SCAI: variants seen among roughly 807,000 people sequenced by gnomAD.
SCAI encodes suppressor of cancer cell invasion.
Under a neutral mutation model 92.2 loss-of-function variants are expected in SCAI, and 24 were observed. That is an observed-to-expected ratio of 0.26 (90% confidence interval 0.19 to 0.37). The LOEUF is 0.37. Among genes scored for constraint, SCAI ranks in the 10% least tolerant of loss-of-function variants. The pLI is 1.00. For synonymous variants in SCAI, 261 were observed against 258.6 expected, an observed-to-expected ratio of 1.01 and a Z score of -0.09; for missense variants, 450 against 736.2, an observed-to-expected ratio of 0.61 and a Z score of 4.50.
Position 124,996,221 on chromosome 9 carries a change from G to C in SCAI, c.1245-1206C>G, listed in dbSNP as rs10986508. Among the ~76,000 whole-genome samples the C allele has an allele frequency of 1.7e-4, 25 of 149,956 alleles. 1 individual carries two copies. The highest frequency in any genetic ancestry group is 3.4e-4 in the Non-Finnish European group (23 of 67,302). ...TGTGTGTGGGCGGTGGGGCGGGGGT[G>C]GGGGGGTGGTGCTGGGGGCAGTGGG... On this transcript the variant is annotated intron_variant, in intron 13 of 17. Transcript: ENST00000336505.
In SCAI at chr9:124,952,845, G is replaced by A. The variant is rs745717368; in HGVS notation, c.1783C>T (p.Arg595Ter). 1.2e-6 allele frequency: 2 copies of A among 1,613,196 alleles called. No homozygotes were observed. The highest frequency in any genetic ancestry group is 1.1e-5 in the South Asian group (1 of 91,026). Residue 595 changes from arginine to a stop codon, truncating the protein, a stop_gained, in exon 18 of 18, where the codon CGA (arginine) becomes TGA (stop). Transcript: ENST00000336505. LOFTEE classifies it high-confidence loss of function. Reference protein sequence around the residue: ...ILELASILDVRNVFFENTIDD... With the variant: ...ILELASILDV ...ATGGTATTCTCAAAGAACACGTTTC[G>A]AACATCCAGAATGGATGCTAATTCC... is the stretch of plus-strand genomic sequence containing the variant.
intron 9 of SCAI, among the ~76,000 whole-genome samples, chr9:125,009,245 G>A (rs1291662482): frequency 6.6e-6 from 1 of 152,138 alleles, no homozygotes; most frequent in Non-Finnish European, 1.5e-5. Flanking sequence ...AATGCTTAAA[G>A]AGAATTTTAC....
chr9:124,966,125 C>A (rs776340620), intron 17 of SCAI, among the ~76,000 whole-genome samples: 5 of 152,218 alleles, frequency 3.3e-5, no homozygotes, highest in Middle Eastern at 3.4e-3. Flanking sequence ...CATGTGCACA[C>A]GTGCAGGTTT....
At chr9:125,106,716 CTT>C (rs1834808115) in intron 2 of SCAI, among the ~76,000 whole-genome samples, 1 of 130,990 alleles carries the variant, frequency 7.6e-6, no homozygotes, top group African/African-American at 2.8e-5. Context: ...CATTATTTTT[CTT>C]TTCCTTTTTT....
intron 9 of SCAI, among the ~76,000 whole-genome samples, chr9:125,012,496 G>A (rs1832659967): frequency 6.6e-6 from 1 of 152,118 alleles, no homozygotes; most frequent in African/African-American, 2.4e-5. Flanking sequence ...AAATATATAT[G>A]CACCCAATAC....
chr9:125,008,103 C>T (rs1019036598), intron 9 of SCAI, among the ~76,000 whole-genome samples: 4 of 151,922 alleles, frequency 2.6e-5, no homozygotes, highest in African/African-American at 9.7e-5. Flanking sequence ...CCTCGGCCTC[C>T]CAAAGTTCAG....
intron 13 of SCAI, among the ~76,000 whole-genome samples, chr9:124,999,608 G>A (rs924512024): frequency 6.6e-6 from 1 of 152,102 alleles, no homozygotes; most frequent in Non-Finnish European, 1.5e-5. Context: ...TATATTTACT[G>A]TCTCCAACTA....
Position 125,100,866 on chromosome 9 carries a change from G to A in SCAI, c.98+41767C>T, listed in dbSNP as rs569925505. ...AAAATTATTCTAGGCAGAGAAAAGA[G>A]CAAGTGCACAGGCCCCGAGTTAGCT... On this transcript the variant is annotated intron_variant, in intron 2 of 17. Coordinates refer to ENST00000336505, the MANE Select transcript of SCAI (RefSeq NM_001144877.3). 2.6e-5 allele frequency among the ~76,000 whole-genome samples: 4 copies of A among 152,278 alleles called. No homozygotes were observed. The South Asian group carries it at 6.2e-4, about 24-fold the overall frequency.
chr9:124,960,260 CCT>C (rs1269434249), intron 17 of SCAI, among the ~76,000 whole-genome samples: 1 of 152,022 alleles, frequency 6.6e-6, no homozygotes. Context: ...ACAGGAACTC[CCT>C]CTCTCACCCA....
chr9:124,956,615 C>A (rs1476458754), intron 17 of SCAI, among the ~76,000 whole-genome samples: 1 of 152,140 alleles, frequency 6.6e-6, no homozygotes, highest in Non-Finnish European at 1.5e-5. Context: ...TCATCCATAC[C>A]CATTCCTGAT....
chr9:125,087,830 G>A (rs569038298), intron 2 of SCAI, among the ~76,000 whole-genome samples: 14 of 152,208 alleles, frequency 9.2e-5, no homozygotes, highest in South Asian at 8.3e-4. Flanking sequence ...TTTTAAATAC[G>A]CATACTGAAA....
At chr9:125,014,571 A>G (rs951076177) in intron 9 of SCAI, among the ~76,000 whole-genome samples, 3 of 152,264 alleles carry the variant, frequency 2.0e-5, no homozygotes, top group Non-Finnish European at 4.4e-5. Flanking sequence ...GCTCATGGGT[A>G]GGAAGAATCA....
At position 124,943,428 on chromosome 9, in the gene SCAI, C is replaced by A. The variant is rs1292395378; in HGVS notation, c.*9379G>T. On this transcript the variant is annotated 3_prime_UTR_variant, in exon 18 of 18. Coordinates refer to ENST00000336505, the MANE Select transcript of SCAI (RefSeq NM_001144877.3). ...GATTTGTGAATAGCTAAATAGGCAA[C>A]CAAATAGCTTCATTATTTGCACGAC... 6.6e-6 allele frequency: 1 copy of A among 152,142 alleles called. No individual in the cohort carries two copies. The highest frequency in any genetic ancestry group is 1.5e-5 in the Non-Finnish European group (1 of 68,004). The allele number at this position is 152,142 out of a possible 1,614,324, so 9.4% of individuals were successfully genotyped here.
At chr9:125,034,732 A>G (rs1185590978) in intron 3 of SCAI, among the ~76,000 whole-genome samples, 4 of 152,186 alleles carry the variant, frequency 2.6e-5, no homozygotes, top group Non-Finnish European at 4.4e-5. Flanking sequence ...TGGGCAACAT[A>G]GCAAGACCCT....
At chr9:124,979,942 C>T (rs957531779) in intron 14 of SCAI, among the ~76,000 whole-genome samples, 2 of 149,278 alleles carry the variant, frequency 1.3e-5, no homozygotes, top group Non-Finnish European at 1.5e-5. Flanking sequence ...CCCAGCTACT[C>T]GGGAGGCTGA....
intron 6 of SCAI, 110 bp from the exon 7 acceptor site, chr9:125,020,879 AT>A (rs1719966338): frequency 1.8e-6 from 1 of 545,328 alleles, no homozygotes. Context: ...CTGCACAATT[AT>A]AAACATTCCC....
At chr9:125,126,840 G>A (rs1835290354) in intron 2 of SCAI, among the ~76,000 whole-genome samples, 2 of 152,152 alleles carry the variant, frequency 1.3e-5, no homozygotes. Flanking sequence ...AGCCAGATAA[G>A]TTATTAAGAC....
chr9:124,971,610 G>A, intron 16 of SCAI, 61 bp downstream of exon 16: 2 of 1,453,174 alleles, frequency 1.4e-6, no homozygotes, highest in East Asian at 2.3e-5. Flanking sequence ...TTTAAAATAA[G>A]TAACCATTTT....
intron 17 of SCAI, among the ~76,000 whole-genome samples, chr9:124,967,214 C>T (rs1308236146): frequency 1.3e-5 from 2 of 152,142 alleles, no homozygotes; most frequent in African/African-American, 4.8e-5. Flanking sequence ...CCTGATAGGG[C>T]AACACCAATA....
Sources: gnomAD v4.1 joint callset for allele counts (sites outside exome capture counted in the v4.1 genomes callset) on GRCh38, gnomAD v4.1.1 for gene constraint, MANE v1.5 for transcripts, NCBI Gene and HGNC (gene_info 2026-07-23, HGNC 2026-07-21) for gene names.